The following HMCN2 variants were observed in gnomAD, a reference collection of about 807,000 sequenced individuals.
HMCN2 encodes the protein hemicentin 2, also known as hemicentin-2.
HMCN2 carries 325 observed loss-of-function variants against 377.5 expected under a neutral mutation model. That is an observed-to-expected ratio of 0.86 (90% CI 0.79 to 0.94). The LOEUF (loss-of-function observed/expected upper bound fraction) is 0.94, where lower values mean the gene tolerates loss of function less well. Ranked by LOEUF, HMCN2 falls within the 40% of genes least tolerant of loss-of-function variation. HMCN2 has a pLI of 0.00. For missense variants in HMCN2, 4,543 were observed against 4,725.3 expected (o/e 0.96, Z 1.13); for synonymous variants, 2,007 against 2,046.8 (o/e 0.98, Z 0.53).
intron 85 of HMCN2, among the ~76,000 whole-genome samples, chr9:130,413,945 A>T (rs1843550126): frequency 6.7e-6 from 1 of 150,328 alleles, no homozygotes; most frequent in Admixed American, 6.7e-5. Context: ...CAGGAATTTG[A>T]TATCATCCTG....
chr9:130,313,856 T>G (rs963520157), intron 15 of HMCN2, among the ~76,000 whole-genome samples: 1 of 146,978 alleles, frequency 6.8e-6, no homozygotes. Flanking sequence ...CTTGGCTCAC[T>G]GTAACCTCTG....
At chr9:130,350,864 C>T (rs1839676402) in intron 29 of HMCN2, among the ~76,000 whole-genome samples, 1 of 151,964 alleles carries the variant, frequency 6.6e-6, no homozygotes, top group Non-Finnish European at 1.5e-5. Context: ...CATCGTACTA[C>T]TGCACTCCAG....
At chr9:130,427,422 G>C in intron 91 of HMCN2, 47 bp downstream of exon 91, 1 of 1,550,502 alleles carries the variant, frequency 6.4e-7, no homozygotes, top group Non-Finnish European at 8.7e-7. Context: ...CTCTCAGCCT[G>C]GGATGGATGG....
intron 19 of HMCN2, among the ~76,000 whole-genome samples, chr9:130,323,345 C>A (rs1483078945): frequency 6.6e-6 from 1 of 152,184 alleles, no homozygotes; most frequent in Non-Finnish European, 1.5e-5. Context: ...TGCCTAGTTA[C>A]CCCTCTCTCG....
chr9:130,403,450 C>T (rs1588404949), intron 79 of HMCN2, 122 bp downstream of exon 79: 1 of 1,105,146 alleles, frequency 9.0e-7, no homozygotes, highest in East Asian at 6.0e-5. Flanking sequence ...TGGAAAGCCC[C>T]TGGCCTGCCC....
chr9:130,394,929 G>A lies in HMCN2; in HGVS notation c.10693-98G>A, dbSNP rs1842526267. 2.6e-6 allele frequency: 2 copies of A among 771,800 alleles called. No homozygotes were observed. Among genetic ancestry groups the A allele is most frequent in the Non-Finnish European group, 3.7e-6 (2 of 545,842 alleles). The allele number at this position is 771,800 out of a possible 1,614,324, so 47.8% of individuals were successfully genotyped here. A position where few individuals can be genotyped will look rare whatever the true frequency, so the allele number is the denominator to read the frequency against. ...TGGATGGCAGACCTCGCAGGGCTGAGTTTGAATCCTGGGTCCCTCGATGCA... is the reference window on the plus strand; with the variant it reads ...TGGATGGCAGACCTCGCAGGGCTGAATTTGAATCCTGGGTCCCTCGATGCA... On this transcript the variant is annotated intron_variant, in intron 69 of 97. Transcript: ENST00000683500. This position sits in a 1 kb window ranked among gnomAD's most constrained non-coding sequence, Gnocchi z 5.1.
intron 66 of HMCN2, among the ~76,000 whole-genome samples, chr9:130,392,959 G>A (rs796509329): frequency 4.0e-5 from 6 of 151,866 alleles, no homozygotes; most frequent in East Asian, 1.9e-4. Flanking sequence ...TCGTGCCACT[G>A]CACTCCAGCC....
At chr9:130,404,740 C>A in intron 80 of HMCN2, 129 bp from the exon 81 acceptor site, 1 of 530,016 alleles carries the variant, frequency 1.9e-6, no homozygotes, top group Non-Finnish European at 2.9e-6. Flanking sequence ...TGGCCTATGA[C>A]TAGGGAGTTG....
chr9:130,429,360 T>G (rs1286888820), intron 93 of HMCN2, 197 bp from the exon 94 acceptor site: 1 of 641,304 alleles, frequency 1.6e-6, no homozygotes, highest in Non-Finnish European at 2.7e-6. Flanking sequence ...TTCCTTTCTC[T>G]GGGACCTGGA....
chr9:130,307,460 G>A lies in HMCN2; in HGVS notation c.2094G>A (p.Pro698=), dbSNP rs782581243. The part of the protein sequence containing the change: ...ETVTLYYTDP[P]SVSAVNAVVL... ...CATCTCTTCCCCACACAGACCCACC[G>A]TCGGTCTCTGCTGTAAATGCCGTGG... Residue 698 remains proline (P), a synonymous_variant, in exon 14 of 98, where the codon CCG becomes CCA. Coordinates refer to ENST00000683500, the MANE Select transcript of HMCN2 (RefSeq NM_001291815.2). 2.5e-5 allele frequency: 12 copies of A among 470,952 alleles called. No homozygotes were observed. The highest frequency in any genetic ancestry group is 6.2e-5 in the South Asian group (4 of 64,574). 29.2% of individuals were successfully genotyped at this position (470,952 alleles called of 1,614,324 possible).
intron 94 of HMCN2, 189 bp downstream of exon 94, chr9:130,429,874 C>A: frequency 1.8e-6 from 2 of 1,139,266 alleles, no homozygotes; most frequent in Non-Finnish European, 2.4e-6. Context: ...GCAGCCGACA[C>A]TTTGCACTCA....
Position 130,400,775 on chromosome 9 carries a change from G to A in HMCN2, c.11606-8G>A, listed in dbSNP as rs1228647731. ...CGGCAGGGCCTCAAGCCTTGTCTTG[G>A]GTTTTAGTGCCTCCCACCATTGCCG... On this transcript the variant is annotated splice_region_variant and splice_polypyrimidine_tract_variant and intron_variant, in intron 76 of 97. Coordinates refer to ENST00000683500, the MANE Select transcript of HMCN2 (RefSeq NM_001291815.2). 2.3e-6 allele frequency: 3 copies of A among 1,282,360 alleles called. No homozygotes were observed. The Admixed American group carries it at 7.0e-5, about 30-fold the overall frequency. The allele number at this position is 1,282,360 out of a possible 1,614,324, so 79.4% of individuals were successfully genotyped here. A position where few individuals can be genotyped will look rare whatever the true frequency, so the allele number is the denominator to read the frequency against.
Position 130,423,491 on chromosome 9 carries a change from C to T in HMCN2, c.13381+765C>T, listed in dbSNP as rs1187540908. On this transcript the variant is annotated intron_variant, in intron 87 of 97. Coordinates refer to ENST00000683500, the MANE Select transcript of HMCN2 (RefSeq NM_001291815.2). The surrounding 1 kb of genome is among the most constrained non-coding windows in gnomAD (Gnocchi z 5.5). ...GAAGCGAGACGCTGCCCAGACATGG[C>T]TGCTTATTCTAGCTGCAGGAGTGTG... Among the ~76,000 whole-genome samples, 2 of 152,232 alleles carry T rather than the reference C, an allele frequency of 1.3e-5. No homozygotes were observed. The highest frequency in any genetic ancestry group is 4.8e-5 in the African/African-American group (2 of 41,458).
chr9:130,372,274 C>T lies in HMCN2; in HGVS notation c.7238-20C>T. ...TGCTGCTCAGAGCCATGCTTGGGGC[C>T]CACGCCCCTCCCTCCCCAGGTGGCT... On this transcript the variant is annotated intron_variant, in intron 46 of 97. Coordinates refer to ENST00000683500, the MANE Select transcript of HMCN2 (RefSeq NM_001291815.2). 1.1e-6 allele frequency: 1 copy of T among 951,060 alleles called. No individual in the cohort carries two copies. Among genetic ancestry groups the T allele is most frequent in the Non-Finnish European group, 1.3e-6 (1 of 798,024 alleles). The allele number at this position is 951,060 out of a possible 1,614,324, so 58.9% of individuals were successfully genotyped here.
chr9:130,399,626 G>A lies in HMCN2; in HGVS notation c.11599G>A (p.Val3867Ile), dbSNP rs780795931. 39 of 1,288,654 alleles carry A rather than the reference G, an allele frequency of 3.0e-5. 1 individual carries two copies. The highest frequency in any genetic ancestry group is 3.0e-4 in the South Asian group (24 of 80,952). 79.8% of individuals were successfully genotyped at this position (1,288,654 alleles called of 1,614,324 possible). A position where few individuals can be genotyped will look rare whatever the true frequency, so the allele number is the denominator to read the frequency against. Residue 3867 changes from valine to isoleucine, a missense_variant, in exon 76 of 98, where the codon GTC (valine) becomes ATC (isoleucine). Coordinates refer to ENST00000683500, the MANE Select transcript of HMCN2 (RefSeq NM_001291815.2). ...GEAHRLYQVT[V>I]HVPPTIADDQ... Reference sequence around the variant, plus strand: ...GGCCCACAGGCTCTACCAGGTGACCGTCCATGGTGAGTCGGGGCAGAGGTG... The same window carrying A: ...GGCCCACAGGCTCTACCAGGTGACCATCCATGGTGAGTCGGGGCAGAGGTG...
At chr9:130,358,276 T>C in intron 35 of HMCN2, 114 bp from the exon 36 acceptor site, 4 of 1,207,624 alleles carry the variant, frequency 3.3e-6, no homozygotes, top group Non-Finnish European at 4.4e-6. Context: ...GAGCCAAAAG[T>C]GTCCCCATGC....
In HMCN2 at chr9:130,364,218, G is replaced by A. The variant is rs535798451; in HGVS notation, c.6233-496G>A. ...CCACTTTACAGACGAGGAGACTGAGGCCCAGGAGTGCAAGTGGCATCCCCA... is the reference window on the plus strand; with the variant it reads ...CCACTTTACAGACGAGGAGACTGAGACCCAGGAGTGCAAGTGGCATCCCCA... On this transcript the variant is annotated intron_variant, in intron 40 of 97. Coordinates refer to ENST00000683500, the MANE Select transcript of HMCN2 (RefSeq NM_001291815.2). Among the ~76,000 whole-genome samples, 4 of 152,286 alleles carry A rather than the reference G, an allele frequency of 2.6e-5. No homozygotes were observed. The South Asian group carries it at 6.2e-4, about 24-fold the overall frequency.
In HMCN2 at chr9:130,402,906, C is replaced by G. The variant is rs532846234; in HGVS notation, c.11878+10C>G. ...TTCCTCACTGTGCAAGGTAAGGGTC[C>G]GTGGTCCAGACCCCAGAGTTCCTAG... On this transcript the variant is annotated intron_variant, in intron 78 of 97. Transcript: ENST00000683500. 1,144 of 1,288,098 alleles carry G rather than the reference C, an allele frequency of 8.9e-4. 16 individuals are homozygous for G. The highest frequency in any genetic ancestry group is 9.0e-4 in the Admixed American group (39 of 43,556). The allele number at this position is 1,288,098 out of a possible 1,614,324, so 79.8% of individuals were successfully genotyped here.
chr9:130,294,431 G>A (rs1564755252), intron 4 of HMCN2, among the ~76,000 whole-genome samples: 1 of 152,186 alleles, frequency 6.6e-6, no homozygotes, highest in Non-Finnish European at 1.5e-5. Flanking sequence ...GGAACGTGGC[G>A]CCCTGGTGGG....
Sources: gnomAD v4.1 joint callset for allele counts (sites outside exome capture counted in the v4.1 genomes callset) on GRCh38, gnomAD v4.1.1 for gene constraint, Gnocchi (gnomAD v3.1) non-coding constraint, MANE v1.5 for transcripts, NCBI Gene and HGNC (gene_info 2026-07-23, HGNC 2026-07-21) for gene names.